The following BANK1 variants were observed in gnomAD, a reference collection of about 807,000 sequenced individuals.
BANK1 encodes the protein B-cell scaffold protein with ankyrin repeats.
BANK1 carries 95 observed loss-of-function variants against 94.5 expected under a neutral mutation model. That is an observed-to-expected ratio of 1.00 (90% CI 0.85 to 1.19). The LOEUF is 1.19. Among genes scored for constraint, BANK1 ranks in the 50% most tolerant of loss-of-function variants. The pLI is 0.00. For missense variants in BANK1, 987 were observed against 932.2 expected (o/e 1.06, Z -0.77); for synonymous variants, 334 against 308.4 (o/e 1.08, Z -0.87).
At chr4:101,900,571 G>A (rs1260525393) in intron 6 of BANK1, among the ~76,000 whole-genome samples, 4 of 152,212 alleles carry the variant, frequency 2.6e-5, no homozygotes, top group Middle Eastern at 3.4e-3. Flanking sequence ...CTTGAGCTTG[G>A]TAGCTCTTTG....
intron 7 of BANK1, among the ~76,000 whole-genome samples, chr4:101,933,854 A>G (rs111465450): frequency 1.2e-3 from 185 of 151,596 alleles, no homozygotes; most frequent in Non-Finnish European, 1.5e-3. Context: ...AACTGTGTAT[A>G]GTTTTATAAA....
chr4:101,830,237 T>G (rs748751231), intron 2 of BANK1, 31 bp downstream of exon 2: 3 of 1,402,454 alleles, frequency 2.1e-6, no homozygotes, highest in Non-Finnish European at 2.8e-6. Context: ...TTGTTTTATT[T>G]TTATTTGTTT....
chr4:101,837,054 C>G (rs1390298827), intron 2 of BANK1, among the ~76,000 whole-genome samples: 2 of 152,166 alleles, frequency 1.3e-5, no homozygotes, highest in African/African-American at 4.8e-5. Flanking sequence ...TTATGGGGCT[C>G]TACGTCACCT....
chr4:101,948,597 C>T (rs1386014622), intron 7 of BANK1, among the ~76,000 whole-genome samples: 2 of 152,052 alleles, frequency 1.3e-5, no homozygotes, highest in African/African-American at 4.8e-5. Context: ...CCTTTTTCTT[C>T]TATCTAAAAT....
chr4:101,804,723 T>C (rs1482346017), intron 1 of BANK1, among the ~76,000 whole-genome samples: 1 of 152,090 alleles, frequency 6.6e-6, no homozygotes, highest in Non-Finnish European at 1.5e-5. Flanking sequence ...AATAACACTT[T>C]CTTTTCTCTA....
chr4:101,857,775 G>A (rs998456240), intron 3 of BANK1, among the ~76,000 whole-genome samples: 1 of 152,132 alleles, frequency 6.6e-6, no homozygotes, highest in Non-Finnish European at 1.5e-5. Flanking sequence ...TTAATTATCT[G>A]TGTCTTTGAG....
At chr4:102,026,690 C>T (rs547510436) in intron 9 of BANK1, among the ~76,000 whole-genome samples, 44 of 151,912 alleles carry the variant, frequency 2.9e-4, no homozygotes, top group Non-Finnish European at 2.4e-4. Flanking sequence ...ATTAGCTGGG[C>T]GTGCACCTGT....
intron 5 of BANK1, among the ~76,000 whole-genome samples, chr4:101,879,994 G>A (rs559260127): frequency 1.3e-5 from 2 of 151,988 alleles, no homozygotes; most frequent in African/African-American, 4.8e-5. Context: ...TACTGAATGG[G>A]TAAAAACTCA....
At chr4:101,791,585 T>C (rs1374813696) in intron 1 of BANK1, among the ~76,000 whole-genome samples, 1 of 152,214 alleles carries the variant, frequency 6.6e-6, no homozygotes, top group Non-Finnish European at 1.5e-5. Flanking sequence ...TTTTGAAGCA[T>C]TTCAAATGCA....
chr4:101,889,574 C>T (rs915535818), intron 5 of BANK1, among the ~76,000 whole-genome samples: 1 of 122,816 alleles, frequency 8.1e-6, no homozygotes, highest in Non-Finnish European at 1.6e-5. Context: ...GTCCGCAGTC[C>T]GGCCTGGGCG....
At chr4:101,892,365 T>A (rs1721906810) in intron 5 of BANK1, among the ~76,000 whole-genome samples, 1 of 151,550 alleles carries the variant, frequency 6.6e-6, no homozygotes, top group African/African-American at 2.4e-5. Context: ...TATTCCCTCA[T>A]CTGGAACTAA....
chr4:102,028,016 A>G (rs1282501216), intron 9 of BANK1, among the ~76,000 whole-genome samples: 1 of 152,192 alleles, frequency 6.6e-6, no homozygotes, highest in Non-Finnish European at 1.5e-5. Context: ...TTATTGATAT[A>G]CCACCTGAAT....
intron 7 of BANK1, among the ~76,000 whole-genome samples, chr4:101,994,270 A>G (rs1292774222): frequency 6.6e-6 from 1 of 152,214 alleles, no homozygotes; most frequent in Non-Finnish European, 1.5e-5. Context: ...TACAGTATTT[A>G]GAGCCCAGGA....
At chr4:101,862,736 G>C in intron 4 of BANK1, 72 bp downstream of exon 4, 1 of 1,389,964 alleles carries the variant, frequency 7.2e-7, no homozygotes, top group Non-Finnish European at 9.5e-7. Flanking sequence ...ATAATAAATG[G>C]TTTCACTTCC....
chr4:101,930,096 A>G (rs1723292098), intron 7 of BANK1, among the ~76,000 whole-genome samples: 1 of 151,316 alleles, frequency 6.6e-6, no homozygotes, highest in South Asian at 2.1e-4. Context: ...ATCAGAGTTT[A>G]TAGTTCCATA....
intron 6 of BANK1, among the ~76,000 whole-genome samples, chr4:101,917,507 T>G (rs1722866443): frequency 6.6e-6 from 1 of 151,892 alleles, no homozygotes; most frequent in Non-Finnish European, 1.5e-5. Flanking sequence ...TGCAGTTAGT[T>G]TTTGAAAGAA....
chr4:101,863,094 AT>A (rs1227195605), intron 4 of BANK1, among the ~76,000 whole-genome samples: 3 of 151,402 alleles, frequency 2.0e-5, no homozygotes, highest in Non-Finnish European at 3.0e-5. Context: ...TCTGAAAAGC[AT>A]TTTTTCCCAT....
At chr4:102,050,351 C>T (rs1728005983) in intron 11 of BANK1, among the ~76,000 whole-genome samples, 1 of 152,138 alleles carries the variant, frequency 6.6e-6, no homozygotes, top group East Asian at 1.9e-4. Flanking sequence ...CCCTAACCAA[C>T]TGCCTATACC....
At chr4:101,800,307 A>G (rs1725316990) in intron 1 of BANK1, among the ~76,000 whole-genome samples, 1 of 151,784 alleles carries the variant, frequency 6.6e-6, no homozygotes, top group African/African-American at 2.4e-5. Flanking sequence ...AAGAAAAAGA[A>G]TTTCTGTCTC....
Sources: gnomAD v4.1 joint callset for allele counts (sites outside exome capture counted in the v4.1 genomes callset) on GRCh38, gnomAD v4.1.1 for gene constraint, MANE v1.5 for transcripts, NCBI Gene and HGNC (gene_info 2026-07-23, HGNC 2026-07-21) for gene names.